Variants in SNRNP48 observed in about 807,000 individuals in gnomAD.
SNRNP48 encodes small nuclear ribonucleoprotein U11/U12 subunit 48, also known as U11/U12 small nuclear ribonucleoprotein 48 kDa protein.
SNRNP48 carries 43 observed loss-of-function variants against 47.0 expected under a neutral mutation model. The ratio of observed to expected loss-of-function variants is 0.92; its 90% CI spans 0.72 to 1.18. The LOEUF (loss-of-function observed/expected upper bound fraction) is 1.18, where lower values mean the gene tolerates loss of function less well. Ranked by LOEUF, SNRNP48 falls within the 50% of genes most tolerant of loss-of-function variation. The pLI is 0.00. For synonymous variants in SNRNP48, 138 were observed against 144.0 expected, an observed-to-expected ratio of 0.96 and a Z score of 0.30; for missense variants, 396 against 422.2, an observed-to-expected ratio of 0.94 and a Z score of 0.54.
At chr6:7,598,511 AT>A (rs1232660908) in intron 4 of SNRNP48, among the ~76,000 whole-genome samples, 1 of 151,432 alleles carries the variant, frequency 6.6e-6, no homozygotes, top group African/African-American at 2.4e-5. Context: ...AGAAAAAAAA[AT>A]TTTTTTTTAT....
rs1365755651 is a variant in SNRNP48 at position 7,605,389 on chromosome 6, T to C, written c.718-9T>C. 2 of 1,612,786 alleles carry C rather than the reference T, an allele frequency of 1.2e-6. No individual in the cohort carries two copies. Among genetic ancestry groups the C allele is most frequent in the African/African-American group, 2.7e-5 (2 of 74,976 alleles). ...TCTTACCTGAAGTTCGGTGCTTACCTCTCCCAAGGTGATTCGAGATGTGAT... is the reference window on the plus strand; with the variant it reads ...TCTTACCTGAAGTTCGGTGCTTACCCCTCCCAAGGTGATTCGAGATGTGAT... On this transcript the variant is annotated splice_polypyrimidine_tract_variant and intron_variant, in intron 6 of 8. Transcript: ENST00000342415.
intron 4 of SNRNP48, among the ~76,000 whole-genome samples, chr6:7,595,534 T>G (rs1581834156): frequency 6.6e-6 from 1 of 152,226 alleles, no homozygotes; most frequent in Admixed American, 6.5e-5. Flanking sequence ...CTGGGCTGCA[T>G]TTTCAACTTA....
Position 7,607,961 on chromosome 6 carries a change from T to A in SNRNP48, c.972-864T>A, listed in dbSNP as rs1022639744. Among the ~76,000 whole-genome samples, 4 of 152,234 alleles carry A rather than the reference T, an allele frequency of 2.6e-5. 1 individual carries two copies. The highest frequency in any genetic ancestry group is 9.6e-5 in the African/African-American group (4 of 41,468). Reference sequence around the variant, plus strand: ...GTAATCCTTTTTGATTCATATGCTGTTTTATAATAACTATAGTGCTTCTTC... The same window carrying A: ...GTAATCCTTTTTGATTCATATGCTGATTTATAATAACTATAGTGCTTCTTC... On this transcript the variant is annotated intron_variant, in intron 8 of 8. Coordinates refer to ENST00000342415, the MANE Select transcript of SNRNP48 (RefSeq NM_152551.4).
chr6:7,608,900 A>T lies in SNRNP48; in HGVS notation c.*27A>T. ...TGAAGTACTTGTACCTATATTAATT[A>T]TGCTTACGCCATGATAACCAATATA... On this transcript the variant is annotated 3_prime_UTR_variant, in exon 9 of 9. Coordinates refer to ENST00000342415, the MANE Select transcript of SNRNP48 (RefSeq NM_152551.4). The T allele has an allele frequency of 1.5e-6, 2 of 1,307,156 alleles. No homozygotes were observed. Among genetic ancestry groups the T allele is most frequent in the Middle Eastern group, 4.2e-4 (2 of 4,816 alleles). 81.0% of individuals were successfully genotyped at this position (1,307,156 alleles called of 1,614,324 possible). A position where few individuals can be genotyped will look rare whatever the true frequency, so the allele number is the denominator to read the frequency against.
At chr6:7,591,363 A>G (rs949488193) in intron 1 of SNRNP48, among the ~76,000 whole-genome samples, 3 of 152,174 alleles carry the variant, frequency 2.0e-5, no homozygotes, top group Non-Finnish European at 4.4e-5. Context: ...TTTCGGTGGA[A>G]TGAGAGGAAG....
intron 1 of SNRNP48, among the ~76,000 whole-genome samples, chr6:7,592,156 T>C (rs1045958294): frequency 6.6e-6 from 1 of 152,112 alleles, no homozygotes; most frequent in Non-Finnish European, 1.5e-5. Context: ...TCTAAGCTGA[T>C]AAATAAAAGT....
intron 4 of SNRNP48, chr6:7,599,892 G>T: frequency 2.0e-6 from 2 of 1,006,268 alleles, no homozygotes; most frequent in Non-Finnish European, 2.4e-6. Context: ...TGAATAAATT[G>T]AAGAAAAGGC....
chr6:7,600,128 C>T, intron 4 of SNRNP48: 1 of 992,756 alleles, frequency 1.0e-6, no homozygotes, highest in Non-Finnish European at 1.2e-6. Flanking sequence ...AAAGGGAACC[C>T]TTTTTTCCCC....
intron 7 of SNRNP48, 135 bp from the exon 8 acceptor site, chr6:7,605,896 T>A: frequency 1.0e-6 from 1 of 970,516 alleles, no homozygotes. Context: ...ATATGGGTTA[T>A]AAGATTGTGC....
At chr6:7,606,346 T>C in intron 8 of SNRNP48, 151 bp downstream of exon 8, 1 of 796,938 alleles carries the variant, frequency 1.3e-6, no homozygotes, top group East Asian at 2.8e-5. Context: ...TTAACATTCA[T>C]TATAGTTCAG....
At chr6:7,598,521 A>G (rs558972018) in intron 4 of SNRNP48, among the ~76,000 whole-genome samples, 154 of 152,170 alleles carry the variant, frequency 1.0e-3, no homozygotes, top group Non-Finnish European at 1.6e-3. Flanking sequence ...ATTTTTTTTT[A>G]TATCCTCTGT....
chr6:7,594,851 A>G lies in SNRNP48; in HGVS notation c.332-176A>G, dbSNP rs574503127. On this transcript the variant is annotated intron_variant, in intron 3 of 8. Coordinates refer to ENST00000342415, the MANE Select transcript of SNRNP48 (RefSeq NM_152551.4). ...GAAGTCTGATTACTTACTGGGCTGT[A>G]GATAAATCTGAAAGGATTCTGTGTT... Among the ~76,000 whole-genome samples the G allele has an allele frequency of 3.1e-4, 47 of 152,374 alleles. No individual in the cohort carries two copies. In the South Asian group the frequency reaches 7.5e-3, roughly 24 times the overall value.
At chr6:7,601,578 A>T in intron 5 of SNRNP48, 54 bp downstream of exon 5, 2 of 1,425,756 alleles carry the variant, frequency 1.4e-6, no homozygotes. Flanking sequence ...TTATTCTATG[A>T]GTGTTATTAA....
At chr6:7,603,532 A>G (rs141111659) in intron 6 of SNRNP48, among the ~76,000 whole-genome samples, 3 of 152,326 alleles carry the variant, frequency 2.0e-5, no homozygotes, top group African/African-American at 4.8e-5. Flanking sequence ...CTCTTAAACT[A>G]TATCTGATTG....
chr6:7,597,019 G>T (rs1434571889), intron 4 of SNRNP48, among the ~76,000 whole-genome samples: 1 of 152,130 alleles, frequency 6.6e-6, no homozygotes, highest in Non-Finnish European at 1.5e-5. Flanking sequence ...TAGTGTGTTT[G>T]TTCTAAAGGT....
intron 5 of SNRNP48, 107 bp from the exon 6 acceptor site, chr6:7,602,516 C>T: frequency 1.2e-6 from 1 of 843,886 alleles, no homozygotes; most frequent in Non-Finnish European, 1.7e-6. Flanking sequence ...TTTTTATGTG[C>T]TACTTTGAAA....
At chr6:7,602,561 G>T in intron 5 of SNRNP48, 62 bp from the exon 6 acceptor site, 1 of 1,271,150 alleles carries the variant, frequency 7.9e-7, no homozygotes, top group Non-Finnish European at 1.1e-6. Flanking sequence ...GTATTTATTT[G>T]ATAATTCATA....
At chr6:7,596,745 G>A (rs371846210) in intron 4 of SNRNP48, among the ~76,000 whole-genome samples, 3 of 151,976 alleles carry the variant, frequency 2.0e-5, no homozygotes, top group Admixed American at 6.6e-5. Context: ...TTATTTATTC[G>A]GAGAGATTAC....
chr6:7,606,191 G>A lies in SNRNP48; in HGVS notation c.967G>A (p.Glu323Lys). Residue 323 changes from glutamate to lysine, a missense_variant, in exon 8 of 9, where the codon GAG becomes AAG. Physicochemically the swap from Glu to Lys is moderately conservative, Grantham distance 56 (BLOSUM62 1). Transcript: ENST00000342415. ...AAACTGTGAGTCGAGAAGAAGGAAA[G>A]AGAGGTGGGTCTAACCCTGCATCAT... ...DKNCESRRRK[E>K]RDGERHHSHK... is the part of the protein sequence containing the mutation. The A allele has an allele frequency of 6.2e-7, 1 of 1,608,794 alleles. No homozygotes were observed. The highest frequency in any genetic ancestry group is 8.5e-7 in the Non-Finnish European group (1 of 1,178,094).
Sources: allele counts gnomAD v4.1 joint callset (sites outside exome capture counted in the v4.1 genomes callset), GRCh38; gene constraint gnomAD v4.1.1; transcripts MANE v1.5; gene names NCBI Gene and HGNC (gene_info 2026-07-23, HGNC 2026-07-21).